The following GALNT7 variants were observed in gnomAD, a reference collection of about 807,000 sequenced individuals.
GALNT7 encodes the protein N-acetylgalactosaminyltransferase 7.
A neutral mutation model predicts 82.1 loss-of-function variants in GALNT7; 60 were observed. The ratio of observed to expected loss-of-function variants is 0.73; its 90% CI spans 0.59 to 0.91. The LOEUF (loss-of-function observed/expected upper bound fraction) is 0.91, where lower values mean the gene tolerates loss of function less well. Among genes scored for constraint, GALNT7 ranks in the 40% least tolerant of loss-of-function variants. The pLI is 0.00. For synonymous variants in GALNT7, 243 were observed against 275.1 expected (o/e 0.88, Z 1.15); for missense variants, 660 against 804.2 (o/e 0.82, Z 2.17).
chr4:173,170,344 C>T (rs1003837393), intron 1 of GALNT7, among the ~76,000 whole-genome samples: 5 of 152,200 alleles, frequency 3.3e-5, no homozygotes, highest in Admixed American at 1.3e-4. Context: ...TTTAACTTTC[C>T]TTCTGGAAAG....
intron 11 of GALNT7, among the ~76,000 whole-genome samples, chr4:173,321,063 C>G (rs1737796228): frequency 6.6e-6 from 1 of 152,104 alleles, no homozygotes; most frequent in Admixed American, 6.6e-5. Context: ...AGACCCAATC[C>G]TGGATAGTCT....
chr4:173,237,280 A>C (rs1343465017), intron 1 of GALNT7, among the ~76,000 whole-genome samples: 1 of 152,188 alleles, frequency 6.6e-6, no homozygotes, highest in Non-Finnish European at 1.5e-5. Context: ...ACATTGCAAT[A>C]CTTTTTTTAT....
Position 173,220,430 on chromosome 4 carries a change from C to T in GALNT7, c.127-27550C>T, listed in dbSNP as rs182259183. On this transcript the variant is annotated intron_variant, in intron 1 of 11. Coordinates refer to ENST00000265000, the MANE Select transcript of GALNT7 (RefSeq NM_017423.3). ...TAGTTTGAAGTTGGGAAATGTAATA[C>T]CTCCAGATTTGTTCTTTTGCTTAGT... Among the ~76,000 whole-genome samples, 739 of 152,174 alleles carry T rather than the reference C, an allele frequency of 4.9e-3. 2 individuals are homozygous for T. The highest frequency in any genetic ancestry group is 8.0e-3 in the Non-Finnish European group (543 of 68,002).
intron 1 of GALNT7, among the ~76,000 whole-genome samples, chr4:173,226,885 A>G (rs1416972151): frequency 6.6e-6 from 1 of 152,232 alleles, no homozygotes; most frequent in Admixed American, 6.5e-5. Context: ...TTTTATTGGA[A>G]GACCTCGAAA....
chr4:173,294,095 C>G (rs910688463), intron 3 of GALNT7, among the ~76,000 whole-genome samples: 1 of 152,118 alleles, frequency 6.6e-6, no homozygotes, highest in East Asian at 1.9e-4. Flanking sequence ...ACCATTTCCC[C>G]CTTTGGTCCA....
At chr4:173,231,817 G>A (rs1265043467) in intron 1 of GALNT7, among the ~76,000 whole-genome samples, 3 of 152,108 alleles carry the variant, frequency 2.0e-5, no homozygotes, top group Non-Finnish European at 4.4e-5. Flanking sequence ...ACTAGAAATG[G>A]CACAGAATTT....
chr4:173,240,988 G>T (rs1051622004), intron 1 of GALNT7, among the ~76,000 whole-genome samples: 4 of 152,116 alleles, frequency 2.6e-5, no homozygotes, highest in African/African-American at 4.8e-5. Context: ...TGCACTGGAT[G>T]CTTGGAGCAG....
intron 1 of GALNT7, among the ~76,000 whole-genome samples, chr4:173,189,378 CCA>C (rs1732554535): frequency 6.6e-6 from 1 of 152,154 alleles, no homozygotes; most frequent in African/African-American, 2.4e-5. Context: ...TTCCTTGACT[CCA>C]GTTATGAGTC....
intron 2 of GALNT7, among the ~76,000 whole-genome samples, chr4:173,291,433 A>C (rs1205748249): frequency 2.0e-5 from 3 of 152,192 alleles, no homozygotes; most frequent in African/African-American, 7.2e-5. Context: ...ACTCTTTCAG[A>C]ATCAAAATGA....
At chr4:173,182,012 G>A (rs1377305048) in intron 1 of GALNT7, among the ~76,000 whole-genome samples, 1 of 152,158 alleles carries the variant, frequency 6.6e-6, no homozygotes, top group African/African-American at 2.4e-5. Flanking sequence ...GTAAGAAGCA[G>A]TTATCATCCT....
intron 1 of GALNT7, among the ~76,000 whole-genome samples, chr4:173,191,505 G>A (rs1304993982): frequency 6.6e-6 from 1 of 152,172 alleles, no homozygotes; most frequent in African/African-American, 2.4e-5. Context: ...TAGAAAGGTG[G>A]GTTTGGAACT....
At chr4:173,190,549 G>GTCT (rs1417993577) in intron 1 of GALNT7, among the ~76,000 whole-genome samples, 8 of 152,160 alleles carry the variant, frequency 5.3e-5, no homozygotes, top group Non-Finnish European at 8.8e-5. Flanking sequence ...GGTATCTAGT[G>GTCT]TAAATCTGAT....
At chr4:173,290,870 C>A (rs34577627) in intron 2 of GALNT7, among the ~76,000 whole-genome samples, 42,759 of 151,986 alleles carry the variant, frequency 0.28, 7,113 homozygotes, top group Non-Finnish European at 0.37. Context: ...CTCTGTTGTC[C>A]CCTGTCCTCT....
At chr4:173,182,926 A>G (rs1433684175) in intron 1 of GALNT7, among the ~76,000 whole-genome samples, 1 of 78,068 alleles carries the variant, frequency 1.3e-5, no homozygotes, top group Non-Finnish European at 2.4e-5. Context: ...TACTCATAAT[A>G]CACACACACA....
intron 8 of GALNT7, among the ~76,000 whole-genome samples, chr4:173,308,215 G>T (rs555775433): frequency 1.3e-5 from 2 of 152,200 alleles, no homozygotes; most frequent in Non-Finnish European, 2.9e-5. Context: ...GTCTGTATTT[G>T]TTTTTTAGTT....
intron 1 of GALNT7, among the ~76,000 whole-genome samples, chr4:173,212,928 T>C (rs1308633030): frequency 6.6e-6 from 1 of 152,078 alleles, no homozygotes; most frequent in Admixed American, 6.6e-5. Flanking sequence ...TGGAAAATAC[T>C]AAAACTTGGA....
intron 1 of GALNT7, among the ~76,000 whole-genome samples, chr4:173,219,764 AT>A (rs200106345): frequency 5.3e-5 from 8 of 151,338 alleles, no homozygotes; most frequent in Admixed American, 2.0e-4. Flanking sequence ...GCATTTTTTC[AT>A]TTTTTTTGGC....
chr4:173,214,391 A>G (rs546501378), intron 1 of GALNT7, among the ~76,000 whole-genome samples: 8 of 152,170 alleles, frequency 5.3e-5, no homozygotes, highest in Admixed American at 3.3e-4. Flanking sequence ...TTAACTTGCA[A>G]TTTGGCCCAG....
intron 1 of GALNT7, among the ~76,000 whole-genome samples, chr4:173,170,127 C>T (rs1410788469): frequency 2.6e-5 from 4 of 152,192 alleles, no homozygotes; most frequent in African/African-American, 4.8e-5. Flanking sequence ...CGACCCTGAC[C>T]TGCTTCCCCC....
Sources: gnomAD v4.1 joint callset for allele counts (sites outside exome capture counted in the v4.1 genomes callset) on GRCh38, gnomAD v4.1.1 for gene constraint, MANE v1.5 for transcripts, NCBI Gene and HGNC (gene_info 2026-07-23, HGNC 2026-07-21) for gene names.